The following KDM4C variants were observed in gnomAD, a reference collection of about 807,000 sequenced individuals.
KDM4C encodes lysine-specific demethylase 4C.
A neutral mutation model predicts 129.3 loss-of-function variants in KDM4C; 81 were observed. The ratio of observed to expected loss-of-function variants is 0.63; its 90% CI spans 0.52 to 0.75. The LOEUF is 0.75. Among genes scored for constraint, KDM4C ranks in the 30% least tolerant of loss-of-function variants. The pLI is 0.00. For synonymous variants in KDM4C, 573 were observed against 456.1 expected (o/e 1.26, Z -3.26); for missense variants, 1,457 against 1,304.0 (o/e 1.12, Z -1.81).
intron 1 of KDM4C, among the ~76,000 whole-genome samples, chr9:6,771,554 A>T (rs1044747621): frequency 4.7e-5 from 7 of 149,156 alleles, no homozygotes; most frequent in African/African-American, 7.4e-5. Context: ...CAGGTTATCC[A>T]CCTGCCTTGG....
chr9:6,841,682 C>T (rs1018427742), intron 4 of KDM4C, among the ~76,000 whole-genome samples: 14 of 152,092 alleles, frequency 9.2e-5, no homozygotes, highest in African/African-American at 3.4e-4. Context: ...CCACAGTCTC[C>T]GTGTTGATAT....
chr9:7,039,897 A>C (rs1312207871), intron 15 of KDM4C, among the ~76,000 whole-genome samples: 8 of 152,048 alleles, frequency 5.3e-5, no homozygotes, highest in Non-Finnish European at 8.8e-5. Flanking sequence ...TTCATGGGTT[A>C]GCTCTATGTA....
At chr9:6,821,842 C>G (rs1833085388) in intron 4 of KDM4C, among the ~76,000 whole-genome samples, 1 of 152,102 alleles carries the variant, frequency 6.6e-6, no homozygotes, top group Non-Finnish European at 1.5e-5. Flanking sequence ...GCCATGTTGG[C>G]CAGACTGGTT....
chr9:6,826,747 G>C (rs1833945183), intron 4 of KDM4C, among the ~76,000 whole-genome samples: 1 of 151,998 alleles, frequency 6.6e-6, no homozygotes, highest in South Asian at 2.1e-4. Flanking sequence ...GGGACCTGTA[G>C]TGCCAGCTAT....
intron 6 of KDM4C, among the ~76,000 whole-genome samples, chr9:6,882,772 TTGTGTGTGTG>T (rs3072026): frequency 1.1e-4 from 17 of 149,752 alleles, no homozygotes; most frequent in South Asian, 2.1e-4. Flanking sequence ...TTTTAAGCAT[TTGTGTGTGTG>T]TGTGTGTGTG....
chr9:6,730,934 C>G (rs1386614075), intron 1 of KDM4C, among the ~76,000 whole-genome samples: 1 of 152,160 alleles, frequency 6.6e-6, no homozygotes, highest in Non-Finnish European at 1.5e-5. Flanking sequence ...AGTTTTCAAT[C>G]TTGTGTACCT....
intron 17 of KDM4C, among the ~76,000 whole-genome samples, chr9:7,058,172 C>G (rs1208646235): frequency 6.6e-6 from 1 of 152,206 alleles, no homozygotes; most frequent in Admixed American, 6.5e-5. Context: ...AGTTCAGTCT[C>G]TGCTATGGTG....
At chr9:6,820,175 C>T (rs1832779644) in intron 4 of KDM4C, among the ~76,000 whole-genome samples, 1 of 152,022 alleles carries the variant, frequency 6.6e-6, no homozygotes, top group Non-Finnish European at 1.5e-5. Flanking sequence ...CTCTTTGCAG[C>T]CTGCGGGAGA....
intron 3 of KDM4C, among the ~76,000 whole-genome samples, chr9:6,811,924 TGTCCATTAGGAAGGACA>T (rs1306413790): frequency 3.9e-5 from 6 of 152,222 alleles, no homozygotes; most frequent in African/African-American, 1.2e-4. Flanking sequence ...TAGCTGTGAT[TGTCCATTAGGAAGGACA>T]GTCCATTAGG....
At chr9:6,822,934 C>T (rs1339751348) in intron 4 of KDM4C, among the ~76,000 whole-genome samples, 3 of 152,204 alleles carry the variant, frequency 2.0e-5, no homozygotes, top group African/African-American at 7.2e-5. Flanking sequence ...TCAGCATTAC[C>T]TATGTTAGTA....
At chr9:6,839,996 G>C (rs1465534219) in intron 4 of KDM4C, among the ~76,000 whole-genome samples, 1 of 152,140 alleles carries the variant, frequency 6.6e-6, no homozygotes, top group Non-Finnish European at 1.5e-5. Flanking sequence ...GTATTTATGA[G>C]GGGATTGTTT....
intron 19 of KDM4C, among the ~76,000 whole-genome samples, chr9:7,161,079 G>A (rs1477184273): frequency 2.0e-5 from 3 of 152,200 alleles, no homozygotes; most frequent in Non-Finnish European, 4.4e-5. Flanking sequence ...TCGCACTTCA[G>A]TCTCAGACTG....
chr9:6,980,329 C>T (rs773110773), intron 8 of KDM4C, among the ~76,000 whole-genome samples: 1 of 152,058 alleles, frequency 6.6e-6, no homozygotes, highest in Non-Finnish European at 1.5e-5. Context: ...CACCTTTACC[C>T]CATGTCTTCA....
At chr9:7,102,572 C>G (rs1047446499) in intron 17 of KDM4C, among the ~76,000 whole-genome samples, 2 of 152,106 alleles carry the variant, frequency 1.3e-5, no homozygotes, top group African/African-American at 2.4e-5. Flanking sequence ...CAGAGTAAGA[C>G]TGAGGGACAG....
intron 18 of KDM4C, among the ~76,000 whole-genome samples, chr9:7,124,241 T>C (rs1839801489): frequency 6.6e-6 from 1 of 152,208 alleles, no homozygotes; most frequent in African/African-American, 2.4e-5. Flanking sequence ...TTTATTCAAC[T>C]TCCAATTTTA....
At chr9:6,860,027 C>T (rs1254337344) in intron 5 of KDM4C, among the ~76,000 whole-genome samples, 1 of 152,104 alleles carries the variant, frequency 6.6e-6, no homozygotes, top group African/African-American at 2.4e-5. Context: ...AAGAAAGCCT[C>T]CCTGTGTTTC....
intron 12 of KDM4C, among the ~76,000 whole-genome samples, chr9:7,007,465 G>C (rs1457722522): frequency 6.6e-6 from 1 of 152,148 alleles, no homozygotes; most frequent in African/African-American, 2.4e-5. Flanking sequence ...GAGAAAAGGA[G>C]GCCTTTTTGC....
chr9:7,049,172 G>T lies in KDM4C; in HGVS notation c.2396G>T (p.Gly799Val), dbSNP rs777783219. ...CCAGAAAGGACACAAATAGATGTAG[G>T]CAGAATACCTTTACAGAGGTTAAAA... ...NVPERTQIDV[G>V]RIPLQRLKLK... The change falls in exon 17 of 22, where the codon GGC (glycine) becomes GTC (valine). Residue 799 changes from glycine (G) to valine (V), a missense_variant. By Grantham distance (109) the Gly-to-Val change is moderately radical (BLOSUM62 -3). Transcript: ENST00000381309. 2 of 1,608,728 alleles carry T rather than the reference G, an allele frequency of 1.2e-6. No homozygotes were observed. The highest frequency in any genetic ancestry group is 2.2e-5 in the East Asian group (1 of 44,786).
intron 19 of KDM4C, among the ~76,000 whole-genome samples, chr9:7,134,909 G>T (rs921353631): frequency 2.6e-5 from 4 of 152,180 alleles, no homozygotes; most frequent in African/African-American, 9.6e-5. Context: ...TTTCACTGGG[G>T]TCCTGACTAG....
Sources: allele counts gnomAD v4.1 joint callset (sites outside exome capture counted in the v4.1 genomes callset), GRCh38; gene constraint gnomAD v4.1.1; transcripts MANE v1.5; gene names NCBI Gene and HGNC (gene_info 2026-07-23, HGNC 2026-07-21).